TNS3: variants seen among roughly 807,000 people sequenced by gnomAD.
TNS3 encodes tensin-3.
A neutral mutation model predicts 140.9 loss-of-function variants in TNS3; 45 were observed. The observed-to-expected ratio is 0.32, with a 90% CI of 0.25 to 0.41. The LOEUF (loss-of-function observed/expected upper bound fraction) is 0.41, where lower values mean the gene tolerates loss of function less well. TNS3 is among the 10% of genes least tolerant of loss of function. The probability of loss-of-function intolerance (pLI) is 1.00; values close to 1 mark genes in which losing one functional copy is unlikely to be tolerated. For synonymous variants in TNS3, 815 were observed against 788.4 expected (o/e 1.03, Z -0.56); for missense variants, 1,716 against 1,906.7 (o/e 0.90, Z 1.86).
rs1195106720 is a variant in TNS3, at chr7:47,275,798, A to G, written c.*2278T>C. 8.8e-6 allele frequency: 4 copies of G among 455,718 alleles called. No homozygotes were observed. The highest frequency in any genetic ancestry group is 2.0e-5 in the African/African-American group (1 of 50,052). 28.2% of individuals were successfully genotyped at this position (455,718 alleles called of 1,614,324 possible). A position where few individuals can be genotyped will look rare whatever the true frequency, so the allele number is the denominator to read the frequency against. On this transcript the variant is annotated 3_prime_UTR_variant, in exon 31 of 31. Coordinates refer to ENST00000311160, the MANE Select transcript of TNS3 (RefSeq NM_022748.12). ...CTTGTGTAAAAATCACACCTGGCCA[A>G]TGAGTTCAAAAAGCACGTTTGCAGG... is the stretch of plus-strand genomic sequence containing the variant.
At chr7:47,527,662 C>A (rs1799246908) in intron 2 of TNS3, among the ~76,000 whole-genome samples, 1 of 152,204 alleles carries the variant, frequency 6.6e-6, no homozygotes. Context: ...CCTGTAATCC[C>A]AGCACTTTGG....
At chr7:47,485,669 A>G (rs1243165228) in intron 3 of TNS3, among the ~76,000 whole-genome samples, 1 of 152,210 alleles carries the variant, frequency 6.6e-6, no homozygotes, top group Non-Finnish European at 1.5e-5. Context: ...CCCATGGTGG[A>G]GGCGAGGGCC....
intron 16 of TNS3, among the ~76,000 whole-genome samples, chr7:47,385,286 C>A (rs556675164): frequency 1.1e-4 from 17 of 152,308 alleles, no homozygotes; most frequent in African/African-American, 4.1e-4. Flanking sequence ...ACCAACTAGC[C>A]CTCTGACCCC....
chr7:47,286,013 G>C (rs1183582228), intron 27 of TNS3, among the ~76,000 whole-genome samples: 1 of 152,196 alleles, frequency 6.6e-6, no homozygotes, highest in Non-Finnish European at 1.5e-5. Context: ...AGCTGCGAGG[G>C]AGCCTGGAGA....
intron 3 of TNS3, among the ~76,000 whole-genome samples, chr7:47,495,190 CAAA>C (rs11353260): frequency 3.8e-5 from 3 of 79,632 alleles, no homozygotes; most frequent in African/African-American, 9.0e-5. Context: ...GACTCCGTCT[CAAA>C]AAAAAAAAAA....
chr7:47,317,234 G>A (rs1268188874), intron 20 of TNS3, among the ~76,000 whole-genome samples: 1 of 152,148 alleles, frequency 6.6e-6, no homozygotes, highest in Non-Finnish European at 1.5e-5. Context: ...GGCTGAAATG[G>A]GAATCCTGTC....
intron 2 of TNS3, among the ~76,000 whole-genome samples, chr7:47,518,227 GA>G (rs1322754129): frequency 6.6e-6 from 1 of 152,170 alleles, no homozygotes; most frequent in Non-Finnish European, 1.5e-5. Flanking sequence ...CAGGAATGGG[GA>G]TAAGGCTCAA....
intron 3 of TNS3, among the ~76,000 whole-genome samples, chr7:47,488,430 T>C (rs1036466827): frequency 6.6e-6 from 1 of 152,102 alleles, no homozygotes; most frequent in Non-Finnish European, 1.5e-5. Context: ...GAGGCTGAGA[T>C]GAAGATGTGG....
intron 27 of TNS3, among the ~76,000 whole-genome samples, chr7:47,290,798 C>T (rs996609704): frequency 6.6e-6 from 1 of 152,210 alleles, no homozygotes; most frequent in Non-Finnish European, 1.5e-5. Context: ...ACCAAACACA[C>T]TCTTACCATA....
chr7:47,504,275 C>G (rs1201645911), intron 3 of TNS3, among the ~76,000 whole-genome samples: 1 of 152,232 alleles, frequency 6.6e-6, no homozygotes, highest in Non-Finnish European at 1.5e-5. Flanking sequence ...GCTGCTGTCT[C>G]GGTCCCCATT....
At chr7:47,296,735 C>T (rs987886066) in intron 24 of TNS3, among the ~76,000 whole-genome samples, 36 of 152,108 alleles carry the variant, frequency 2.4e-4, no homozygotes, top group Non-Finnish European at 2.9e-5. Flanking sequence ...TGAAAAGACA[C>T]ACACGAATCT....
At position 47,303,363 on chromosome 7, in the gene TNS3, C is replaced by T. The variant is rs766860708; in HGVS notation, c.3044G>A (p.Ser1015Asn). The T allele has an allele frequency of 6.8e-6, 11 of 1,613,644 alleles. No homozygotes were observed. The Admixed American group carries it at 1.7e-4, about 24-fold the overall frequency. The change falls in exon 22 of 31, where the codon AGC becomes AAC. Residue 1015 changes from serine (S) to asparagine (N), a missense_variant. This residue lies in a region of TNS3 where 1,163 missense variants were observed against 1,182.1 expected (regional missense o/e 0.98). Coordinates refer to ENST00000311160, the MANE Select transcript of TNS3 (RefSeq NM_022748.12). ...AEPPDSLAPP[S>N]SQAFLGFGTA... is the part of the protein sequence containing the mutation. ...GCCGAAGCCCAGGAAGGCCTGGCTG[C>T]TGGGAGGCGCCAGGGAGTCCGGTGG... is the stretch of plus-strand genomic sequence containing the variant.
intron 17 of TNS3, among the ~76,000 whole-genome samples, chr7:47,361,359 C>T (rs1007939674): frequency 6.6e-6 from 1 of 152,186 alleles, no homozygotes; most frequent in Non-Finnish European, 1.5e-5. Flanking sequence ...CACTGAACTT[C>T]CCTGGCACAC....
chr7:47,289,758 G>C (rs1359180519), intron 27 of TNS3, among the ~76,000 whole-genome samples: 1 of 152,124 alleles, frequency 6.6e-6, no homozygotes, highest in Non-Finnish European at 1.5e-5. Context: ...TAAATAAATG[G>C]AGAGATATTC....
intron 1 of TNS3, among the ~76,000 whole-genome samples, chr7:47,567,124 C>T (rs1800447297): frequency 6.7e-6 from 1 of 149,272 alleles, no homozygotes. Flanking sequence ...TTTTTAAAAA[C>T]TGCTTATCCT....
chr7:47,466,501 T>C (rs927202743), intron 4 of TNS3, among the ~76,000 whole-genome samples: 15 of 152,342 alleles, frequency 9.8e-5, no homozygotes, highest in Admixed American at 8.5e-4. Context: ...ACTGGGGTTG[T>C]TTCCACACAG....
intron 8 of TNS3, among the ~76,000 whole-genome samples, chr7:47,432,873 T>C (rs1343831554): frequency 6.6e-6 from 1 of 152,242 alleles, no homozygotes; most frequent in East Asian, 1.9e-4. Context: ...TGTTACGTTT[T>C]AGTGCAAGCT....
intron 20 of TNS3, among the ~76,000 whole-genome samples, chr7:47,344,104 A>G (rs1354952165): frequency 1.3e-5 from 2 of 152,150 alleles, no homozygotes; most frequent in African/African-American, 4.8e-5. Context: ...AATGTGCACG[A>G]GCTTTAGGTT....
At chr7:47,525,986 A>T (rs758166469) in intron 2 of TNS3, among the ~76,000 whole-genome samples, 3 of 152,192 alleles carry the variant, frequency 2.0e-5, no homozygotes, top group Non-Finnish European at 4.4e-5. Context: ...ACAAGTCCCA[A>T]CCCAGGGAAG....
Sources: allele counts gnomAD v4.1 joint callset (sites outside exome capture counted in the v4.1 genomes callset), GRCh38; gene constraint gnomAD v4.1.1; regional missense constraint gnomAD v4.1.1; transcripts MANE v1.5; gene names NCBI Gene and HGNC (gene_info 2026-07-23, HGNC 2026-07-21).